The following CERT1 variants were observed in gnomAD, a reference collection of about 807,000 sequenced individuals.
The protein encoded by CERT1 is ceramide transporter 1.
In CERT1, 31 loss-of-function variants were observed where a neutral mutation model predicts 87.9. The ratio of observed to expected loss-of-function variants is 0.35; its 90% CI spans 0.27 to 0.48. The LOEUF (loss-of-function observed/expected upper bound fraction) is 0.48, where lower values mean the gene tolerates loss of function less well. CERT1 is among the 20% of genes least tolerant of loss of function. The pLI is 0.99. For missense variants in CERT1, 487 were observed against 758.0 expected (o/e 0.64, Z 4.20); for synonymous variants, 289 against 250.9 (o/e 1.15, Z -1.44).
rs182952658 is a variant in CERT1 at position 75,476,892 on chromosome 5, C to T, written c.232-17711G>A. On this transcript the variant is annotated intron_variant, in intron 2 of 16. Coordinates refer to ENST00000643780, the MANE Select transcript of CERT1 (RefSeq NM_001379029.1). ...ACATTCAAAAGTCAAGGGGAAAAGA[C>T]ACTTTGTACTCCGAGATGGGGGAAA... Among the ~76,000 whole-genome samples the T allele has an allele frequency of 1.1e-3, 171 of 152,190 alleles. 2 individuals carry two copies. Among genetic ancestry groups the T allele is most frequent in the African/African-American group, 3.9e-3 (164 of 41,520 alleles).
chr5:75,409,446 T>C (rs1025331235), intron 8 of CERT1, among the ~76,000 whole-genome samples: 2 of 152,222 alleles, frequency 1.3e-5, no homozygotes, highest in African/African-American at 4.8e-5. Flanking sequence ...TTCATAAATA[T>C]AACTACAACT....
chr5:75,426,466 A>G lies in CERT1; in HGVS notation c.361T>C (p.Tyr121His), dbSNP rs1221731255. 4 of 1,610,408 alleles carry G rather than the reference A, an allele frequency of 2.5e-6. No individual in the cohort carries two copies. The highest frequency in any genetic ancestry group is 3.4e-6 in the Non-Finnish European group (4 of 1,177,460). ...CGACGCAAGCTGGATTCAGATCCATATCCAGATTCAGTCTAAAAAAAAAAG... is the reference window on the plus strand; with the variant it reads ...CGACGCAAGCTGGATTCAGATCCATGTCCAGATTCAGTCTAAAAAAAAAAG... ...AIEQHKTESG[Y>H]GSESSLRRHG... The change falls in exon 4 of 17, where the codon TAT becomes CAT. Residue 121 changes from tyrosine (Y) to histidine (H), a missense_variant. Transcript: ENST00000643780.
At chr5:75,440,197 T>C (rs1051604852) in intron 3 of CERT1, among the ~76,000 whole-genome samples, 1 of 151,910 alleles carries the variant, frequency 6.6e-6, no homozygotes, top group Non-Finnish European at 1.5e-5. Flanking sequence ...ACTAACTTTA[T>C]AAGAAAAGGC....
intron 2 of CERT1, among the ~76,000 whole-genome samples, chr5:75,486,808 A>G (rs1766544508): frequency 6.6e-6 from 1 of 152,160 alleles, no homozygotes; most frequent in Non-Finnish European, 1.5e-5. Context: ...GAAAACTATA[A>G]AACAGCGATT....
chr5:75,404,304 A>C (rs1031822689), intron 8 of CERT1, among the ~76,000 whole-genome samples: 15 of 151,714 alleles, frequency 9.9e-5, no homozygotes, highest in Middle Eastern at 3.2e-3. Flanking sequence ...AAAAAAAAAA[A>C]AAAAAAAAAA....
At chr5:75,432,239 TAG>T (rs1279983616) in intron 3 of CERT1, among the ~76,000 whole-genome samples, 3 of 152,038 alleles carry the variant, frequency 2.0e-5, no homozygotes, top group African/African-American at 7.3e-5. Context: ...GTATTTTTAG[TAG>T]AGACAGGGTT....
At chr5:75,432,895 C>T (rs1319171790) in intron 3 of CERT1, among the ~76,000 whole-genome samples, 1 of 152,046 alleles carries the variant, frequency 6.6e-6, no homozygotes, top group Non-Finnish European at 1.5e-5. Context: ...GGAAGGCATC[C>T]AGTTTCAATC....
intron 2 of CERT1, among the ~76,000 whole-genome samples, chr5:75,497,627 C>CT (rs890742974): frequency 3.9e-5 from 6 of 152,154 alleles, no homozygotes; most frequent in Admixed American, 3.9e-4. Context: ...TTGCTTGGCT[C>CT]TCATTCTTTT....
intron 3 of CERT1, among the ~76,000 whole-genome samples, chr5:75,435,965 T>C (rs1764078287): frequency 6.6e-6 from 1 of 152,094 alleles, no homozygotes; most frequent in African/African-American, 2.4e-5. Context: ...CCTCATATAT[T>C]TGTGTACCTA....
intron 3 of CERT1, among the ~76,000 whole-genome samples, chr5:75,446,381 T>C (rs1027592331): frequency 2.6e-5 from 4 of 152,186 alleles, no homozygotes; most frequent in African/African-American, 9.6e-5. Context: ...TTGATATTTC[T>C]ATTTTGTTCA....
At chr5:75,394,606 C>T (rs1477200094) in intron 11 of CERT1, among the ~76,000 whole-genome samples, 1 of 152,056 alleles carries the variant, frequency 6.6e-6, no homozygotes, top group Non-Finnish European at 1.5e-5. Flanking sequence ...TAGTCCTTAG[C>T]CCCCGCTACT....
intron 2 of CERT1, among the ~76,000 whole-genome samples, chr5:75,479,711 C>T (rs112089942): frequency 6.6e-6 from 1 of 152,100 alleles, no homozygotes; most frequent in African/African-American, 2.4e-5. Flanking sequence ...TAGGTTGACT[C>T]CATGTCTTTT....
intron 2 of CERT1, among the ~76,000 whole-genome samples, chr5:75,503,369 C>T (rs1194526201): frequency 6.6e-6 from 1 of 151,518 alleles, no homozygotes; most frequent in Non-Finnish European, 1.5e-5. Flanking sequence ...TAGGCATAGC[C>T]CATATTTAAG....
intron 11 of CERT1, among the ~76,000 whole-genome samples, chr5:75,391,015 C>G (rs77550305): frequency 0.081 from 12,287 of 151,472 alleles, 592 homozygotes; most frequent in South Asian, 0.17. Flanking sequence ...GCCCAGACTG[C>G]AGTACAGTAG....
chr5:75,395,733 G>C (rs2112062176), intron 11 of CERT1, among the ~76,000 whole-genome samples: 1 of 151,962 alleles, frequency 6.6e-6, no homozygotes, highest in Middle Eastern at 3.4e-3. Context: ...GTGATAGCGT[G>C]TGCCTGTAAT....
At chr5:75,376,683 A>C (rs1761329877), downstream of CERT1, 1 of 152,212 alleles carries the variant, frequency 6.6e-6, no homozygotes, top group Non-Finnish European at 1.5e-5. Context: ...GAATCCCTAA[A>C]GGGTAAGGCT....
At chr5:75,494,264 G>A (rs978120522) in intron 2 of CERT1, among the ~76,000 whole-genome samples, 1 of 152,152 alleles carries the variant, frequency 6.6e-6, no homozygotes, top group Non-Finnish European at 1.5e-5. Context: ...CTTTGCTAGG[G>A]AAGCTATATT....
At chr5:75,385,595 C>A (rs1038696281) in intron 13 of CERT1, among the ~76,000 whole-genome samples, 1 of 152,174 alleles carries the variant, frequency 6.6e-6, no homozygotes, top group Non-Finnish European at 1.5e-5. Context: ...GCTTCTCCAC[C>A]ATATAGCTCT....
rs191159279 is a variant in CERT1, at chr5:75,433,784, G to A, written c.349-7306C>T. Among the ~76,000 whole-genome samples the A allele has an allele frequency of 2.1e-3, 316 of 152,256 alleles. 1 individual carries two copies. The East Asian group carries it at 0.027, about 13-fold the overall frequency. ...TGATCCTTCTGCTTCAGCTTCCCAAGGGGCTGGGATTACAGGCATGAGCCA... is the reference window on the plus strand; with the variant it reads ...TGATCCTTCTGCTTCAGCTTCCCAAAGGGCTGGGATTACAGGCATGAGCCA... On this transcript the variant is annotated intron_variant, in intron 3 of 16. Transcript: ENST00000643780.
Sources: allele counts gnomAD v4.1 joint callset (sites outside exome capture counted in the v4.1 genomes callset), GRCh38; gene constraint gnomAD v4.1.1; transcripts MANE v1.5; gene names NCBI Gene and HGNC (gene_info 2026-07-23, HGNC 2026-07-21).